ANKHD1: variants seen among roughly 807,000 people sequenced by gnomAD.
The protein encoded by ANKHD1 is ankyrin repeat and KH domain containing 1.
ANKHD1 carries 31 observed loss-of-function variants against 230.5 expected under a neutral mutation model. That is an observed-to-expected ratio of 0.13 (90% CI 0.10 to 0.18). The LOEUF is 0.18. ANKHD1 is among the 10% of genes least tolerant of loss of function. The probability of loss-of-function intolerance (pLI) is 1.00; values close to 1 mark genes in which losing one functional copy is unlikely to be tolerated. For synonymous variants in ANKHD1, 1,074 were observed against 1,117.6 expected (o/e 0.96, Z 0.78); for missense variants, 2,256 against 3,071.3 (o/e 0.73, Z 6.27).
At position 140,476,484 on chromosome 5, in the gene ANKHD1, A is replaced by C. The variant is rs572335327; in HGVS notation, c.1783-6096A>C. ...AAAAAAACGCATTACCTACAAAAAA[A>C]CAACCATCAAAGTTTTGACCTTCTC... On this transcript the variant is annotated intron_variant, in intron 10 of 33. Transcript: ENST00000360839. Among the ~76,000 whole-genome samples the C allele has an allele frequency of 1.6e-4, 24 of 152,238 alleles. No individual in the cohort carries two copies. In the East Asian group the frequency reaches 4.2e-3, roughly 27 times the overall value.
chr5:140,417,445 T>A (rs1338804593), intron 1 of ANKHD1, among the ~76,000 whole-genome samples: 1 of 151,818 alleles, frequency 6.6e-6, no homozygotes, highest in Non-Finnish European at 1.5e-5. Context: ...TAATTTAAAA[T>A]TTTTAATTTA....
chr5:140,494,645 T>G (rs1405016988), intron 14 of ANKHD1, among the ~76,000 whole-genome samples: 1 of 152,192 alleles, frequency 6.6e-6, no homozygotes, highest in Non-Finnish European at 1.5e-5. Flanking sequence ...GAGATCTCTA[T>G]TCTAGCAAAA....
At chr5:140,473,825 G>T (rs554881131) in intron 10 of ANKHD1, among the ~76,000 whole-genome samples, 1 of 152,278 alleles carries the variant, frequency 6.6e-6, no homozygotes, top group South Asian at 2.1e-4. Context: ...TAGATGAAAT[G>T]TAATTGTAAA....
At chr5:140,455,666 C>G (rs1458918314) in intron 7 of ANKHD1, among the ~76,000 whole-genome samples, 3 of 152,104 alleles carry the variant, frequency 2.0e-5, no homozygotes, top group Non-Finnish European at 2.9e-5. Flanking sequence ...ATTCAACAAC[C>G]CTTCATGCTA....
chr5:140,415,944 G>A (rs1392031765), intron 1 of ANKHD1, among the ~76,000 whole-genome samples: 1 of 151,408 alleles, frequency 6.6e-6, no homozygotes, highest in African/African-American at 2.4e-5. Context: ...CCCCTCCCCT[G>A]ACCCCACGAC....
intron 31 of ANKHD1, 81 bp from the exon 32 acceptor site, chr5:140,538,005 C>G: frequency 1.3e-6 from 2 of 1,505,760 alleles, no homozygotes; most frequent in Non-Finnish European, 1.8e-6. Flanking sequence ...AACATTTGGT[C>G]ATGTTTGGTA....
intron 1 of ANKHD1, 118 bp downstream of exon 1, chr5:140,402,391 G>A: frequency 7.5e-7 from 1 of 1,330,722 alleles, no homozygotes; most frequent in Non-Finnish European, 9.7e-7. Context: ...GACAGCGGTC[G>A]GCTCCATGGC....
rs1210815322 is a variant in ANKHD1 at position 140,402,077 on chromosome 5, T to C, written c.110T>C (p.Val37Ala). ...GASEPPPPGG[V>A]GLGIRTVRLF... ...TCGGAGCCGCCTCCGCCGGGAGGGG[T>C]CGGTCTGGGGATCCGCACCGTGAGG... The change falls in exon 1 of 34, where the codon GTC becomes GCC. Residue 37 changes from valine (V) to alanine (A), a missense_variant. Around this residue, in one of 13 missense-constraint regions of ANKHD1, gnomAD observed 193 missense variants for 185.8 expected, o/e 1.04. Coordinates refer to ENST00000360839, the MANE Select transcript of ANKHD1 (RefSeq NM_017747.3). The C allele has an allele frequency of 6.7e-7, 1 of 1,488,406 alleles. No individual in the cohort carries two copies. The highest frequency in any genetic ancestry group is 8.9e-7 in the Non-Finnish European group (1 of 1,123,450). 92.2% of individuals were successfully genotyped at this position (1,488,406 alleles called of 1,614,324 possible).
At chr5:140,445,610 C>T in intron 5 of ANKHD1, 132 bp from the exon 6 acceptor site, 1 of 884,010 alleles carries the variant, frequency 1.1e-6, no homozygotes, top group Non-Finnish European at 1.5e-6. Context: ...AGAGGTATAC[C>T]TAGAGCATTA....
At chr5:140,458,316 A>C (rs1367429794) in intron 7 of ANKHD1, among the ~76,000 whole-genome samples, 1 of 152,138 alleles carries the variant, frequency 6.6e-6, no homozygotes, top group African/African-American at 2.4e-5. Context: ...AGTTTTTTGA[A>C]CTTCAAAAAA....
chr5:140,450,961 T>C (rs1420132122), intron 7 of ANKHD1, among the ~76,000 whole-genome samples: 1 of 152,050 alleles, frequency 6.6e-6, no homozygotes, highest in Non-Finnish European at 1.5e-5. Context: ...AAGACCAGCC[T>C]GGCCAACATG....
intron 24 of ANKHD1, among the ~76,000 whole-genome samples, chr5:140,516,782 G>T (rs1745212715): frequency 6.6e-6 from 1 of 151,910 alleles, no homozygotes; most frequent in South Asian, 2.1e-4. Flanking sequence ...AAGAGCTCCT[G>T]AAGGAAGCAC....
intron 6 of ANKHD1, among the ~76,000 whole-genome samples, chr5:140,446,394 T>C (rs1281375615): frequency 6.6e-6 from 1 of 152,220 alleles, no homozygotes; most frequent in Non-Finnish European, 1.5e-5. Flanking sequence ...AGAATGTCGC[T>C]CTGTCACCCA....
intron 14 of ANKHD1, among the ~76,000 whole-genome samples, chr5:140,493,222 G>T (rs969574040): frequency 6.6e-6 from 1 of 152,046 alleles, no homozygotes; most frequent in Non-Finnish European, 1.5e-5. Flanking sequence ...CCACCACACC[G>T]GGCTAGCTAA....
At chr5:140,452,310 C>A (rs953947377) in intron 7 of ANKHD1, among the ~76,000 whole-genome samples, 1 of 152,220 alleles carries the variant, frequency 6.6e-6, no homozygotes, top group African/African-American at 2.4e-5. Flanking sequence ...CATAGCTGAA[C>A]AAAAGGCAGC....
rs748902884 is a variant in ANKHD1 at position 140,485,273 on chromosome 5, C to T, written c.1998+25C>T. The T allele has an allele frequency of 1.2e-6, 2 of 1,600,136 alleles. No homozygotes were observed. The highest frequency in any genetic ancestry group is 1.7e-6 in the Non-Finnish European group (2 of 1,169,944). On this transcript the variant is annotated intron_variant, in intron 12 of 33. Transcript: ENST00000360839. This position sits in a 1 kb window ranked among gnomAD's most constrained non-coding sequence, Gnocchi z 4.8. ...GGTAGTCTACTTAAAAATAAGTAAACAGGCTGTGTGCGGTGGCTCATGTCT... is the reference window on the plus strand; with the variant it reads ...GGTAGTCTACTTAAAAATAAGTAAATAGGCTGTGTGCGGTGGCTCATGTCT...
chr5:140,514,874 A>C (rs189549641), intron 24 of ANKHD1, among the ~76,000 whole-genome samples: 198 of 152,026 alleles, frequency 1.3e-3, no homozygotes, highest in Non-Finnish European at 2.6e-3. Context: ...CAGGAGGCTG[A>C]GGCGAGAGGA....
chr5:140,448,685 G>T (rs1368798664), intron 6 of ANKHD1, among the ~76,000 whole-genome samples: 1 of 152,032 alleles, frequency 6.6e-6, no homozygotes, highest in Non-Finnish European at 1.5e-5. Flanking sequence ...TTTCTTTGTT[G>T]AATTATCATT....
intron 5 of ANKHD1, among the ~76,000 whole-genome samples, chr5:140,443,016 C>T (rs1773980880): frequency 6.6e-6 from 1 of 151,932 alleles, no homozygotes; most frequent in Non-Finnish European, 1.5e-5. Flanking sequence ...CGCCATTCTC[C>T]TGCCTCAGCC....
Sources: gnomAD v4.1 joint callset for allele counts (sites outside exome capture counted in the v4.1 genomes callset) on GRCh38, gnomAD v4.1.1 for gene constraint, gnomAD v4.1.1 regional missense constraint, Gnocchi (gnomAD v3.1) non-coding constraint, MANE v1.5 for transcripts, NCBI Gene and HGNC (gene_info 2026-07-23, HGNC 2026-07-21) for gene names.